The following ASCC3 variants were observed in gnomAD, a reference collection of about 807,000 sequenced individuals.
ASCC3 encodes ASC-1 complex subunit P200.
In ASCC3, 158 loss-of-function variants were observed where a neutral mutation model predicts 256.3. That is an observed-to-expected ratio of 0.62 (90% CI 0.54 to 0.70). The LOEUF is 0.70. ASCC3 is among the 30% of genes least tolerant of loss of function. ASCC3 has a pLI of 0.00. For synonymous variants in ASCC3, 948 were observed against 883.4 expected (o/e 1.07, Z -1.30); for missense variants, 2,259 against 2,626.0 (o/e 0.86, Z 3.05).
intron 10 of ASCC3, among the ~76,000 whole-genome samples, chr6:100,729,774 A>C (rs1309562476): frequency 6.6e-6 from 1 of 152,234 alleles, no homozygotes; most frequent in Admixed American, 6.5e-5. Flanking sequence ...CAAATTTTAA[A>C]GATAAAAGTA....
rs138394095 is a variant in ASCC3, at chr6:100,692,851, A to T, written c.2152-13099T>A. 4.9e-4 allele frequency among the ~76,000 whole-genome samples: 74 copies of T among 152,182 alleles called. No individual in the cohort carries two copies. The East Asian group carries it at 0.013, about 27-fold the overall frequency. Reference sequence around the variant, plus strand: ...GGAGAACTTGATGATGCTTTAGAAGATTTAATGACAAGATCAACATAATGA... The same window carrying T: ...GGAGAACTTGATGATGCTTTAGAAGTTTTAATGACAAGATCAACATAATGA... On this transcript the variant is annotated intron_variant, in intron 13 of 41. Coordinates refer to ENST00000369162, the MANE Select transcript of ASCC3 (RefSeq NM_006828.4).
intron 13 of ASCC3, among the ~76,000 whole-genome samples, chr6:100,694,060 T>G (rs1369392615): frequency 6.6e-6 from 1 of 152,160 alleles, no homozygotes; most frequent in Non-Finnish European, 1.5e-5. Flanking sequence ...GGAAAGGGAC[T>G]GTGGAAAATT....
intron 3 of ASCC3, among the ~76,000 whole-genome samples, chr6:100,859,817 CT>C (rs1773137291): frequency 6.6e-6 from 1 of 151,956 alleles, no homozygotes; most frequent in African/African-American, 2.4e-5. Context: ...ACAAACAGGT[CT>C]TTTTATGACA....
At chr6:100,705,466 G>A (rs1432011256) in intron 13 of ASCC3, among the ~76,000 whole-genome samples, 1 of 152,000 alleles carries the variant, frequency 6.6e-6, no homozygotes, top group African/African-American at 2.4e-5. Context: ...TTAGTTGCCT[G>A]AGAGTCATAG....
intron 8 of ASCC3, among the ~76,000 whole-genome samples, chr6:100,790,495 TA>T (rs1399902807): frequency 6.6e-6 from 1 of 152,096 alleles, no homozygotes; most frequent in South Asian, 2.1e-4. Flanking sequence ...GAAGAAAATC[TA>T]TAAATAGCAA....
chr6:100,542,966 ATTGT>A (rs1002365783), intron 36 of ASCC3, among the ~76,000 whole-genome samples: 2 of 152,172 alleles, frequency 1.3e-5, no homozygotes, highest in African/African-American at 2.4e-5. Context: ...ATACAAAATG[ATTGT>A]TTAAACAAAA....
intron 3 of ASCC3, among the ~76,000 whole-genome samples, chr6:100,863,408 A>T (rs1286894252): frequency 1.3e-5 from 2 of 152,232 alleles, no homozygotes; most frequent in Non-Finnish European, 2.9e-5. Context: ...CATCTATAAT[A>T]AGCGACTGAG....
intron 36 of ASCC3, among the ~76,000 whole-genome samples, chr6:100,576,476 A>G (rs1770867250): frequency 6.6e-6 from 1 of 152,024 alleles, no homozygotes; most frequent in Admixed American, 6.6e-5. Context: ...TAATAGGATA[A>G]AGATAGAATA....
chr6:100,840,046 T>C (rs1374947328), intron 4 of ASCC3, among the ~76,000 whole-genome samples: 1 of 152,194 alleles, frequency 6.6e-6, no homozygotes, highest in Non-Finnish European at 1.5e-5. Flanking sequence ...GTTTTCCTCA[T>C]GAAAATTTTA....
At chr6:100,642,501 C>T (rs239245) in intron 24 of ASCC3, 80 bp downstream of exon 24, 6 of 1,398,052 alleles carry the variant, frequency 4.3e-6, no homozygotes, top group African/African-American at 1.4e-5. Context: ...AACTTTATTA[C>T]GGTGTAGACA....
intron 37 of ASCC3, among the ~76,000 whole-genome samples, chr6:100,533,668 T>C (rs1371230466): frequency 6.6e-6 from 1 of 152,200 alleles, no homozygotes; most frequent in African/African-American, 2.4e-5. Context: ...GTTTCTCTTT[T>C]TGCATAACAC....
chr6:100,621,674 G>A (rs1274425168), intron 30 of ASCC3, among the ~76,000 whole-genome samples: 5 of 152,158 alleles, frequency 3.3e-5, no homozygotes, highest in Admixed American at 1.3e-4. Context: ...GTGGAAGACC[G>A]TGTGGCAATT....
intron 19 of ASCC3, among the ~76,000 whole-genome samples, chr6:100,651,288 T>C (rs1775657906): frequency 6.6e-6 from 1 of 151,894 alleles, no homozygotes; most frequent in South Asian, 2.1e-4. Flanking sequence ...TATATTGCAA[T>C]AAACCAAAAT....
chr6:100,849,069 G>A (rs958151547), intron 3 of ASCC3, among the ~76,000 whole-genome samples: 5 of 152,072 alleles, frequency 3.3e-5, no homozygotes, highest in African/African-American at 1.2e-4. Context: ...TTGTGTCACT[G>A]TACTCAGCCT....
intron 10 of ASCC3, among the ~76,000 whole-genome samples, chr6:100,751,275 AAAATT>A (rs1353781245): frequency 3.9e-5 from 6 of 152,116 alleles, no homozygotes; most frequent in Non-Finnish European, 7.4e-5. Context: ...CTAGTTATAG[AAAATT>A]AAATTAAATT....
At chr6:100,870,217 A>AT (rs34204223) in intron 1 of ASCC3, among the ~76,000 whole-genome samples, 106,498 of 150,750 alleles carry the variant, frequency 0.71, 37,708 homozygotes, top group East Asian at 0.75. Context: ...TTAAAAATGC[A>AT]TTTTTAATGC....
intron 8 of ASCC3, among the ~76,000 whole-genome samples, chr6:100,790,529 G>A (rs769267918): frequency 6.6e-6 from 1 of 151,972 alleles, no homozygotes; most frequent in Non-Finnish European, 1.5e-5. Flanking sequence ...AAATATTTCT[G>A]TGTGTTGTTG....
chr6:100,780,959 A>C lies in ASCC3; in HGVS notation c.1396-13614T>G, dbSNP rs1385944920. ...AAATGAAATCACTTGTATTCCCTAA[A>C]GTGCTAAACAAGAAATATAAGAAGT... On this transcript the variant is annotated intron_variant, in intron 8 of 41. Transcript: ENST00000369162. Among the ~76,000 whole-genome samples the C allele has an allele frequency of 2.0e-5, 3 of 152,340 alleles. No homozygotes were observed. In the East Asian group the frequency reaches 5.8e-4, roughly 29 times the overall value.
chr6:100,615,055 G>A (rs1158215088), intron 30 of ASCC3, among the ~76,000 whole-genome samples: 3 of 150,048 alleles, frequency 2.0e-5, no homozygotes, highest in African/African-American at 7.4e-5. Flanking sequence ...TCGCTCTGTC[G>A]ACCAGGTTGG....
Sources: allele counts gnomAD v4.1 joint callset (sites outside exome capture counted in the v4.1 genomes callset), GRCh38; gene constraint gnomAD v4.1.1; transcripts MANE v1.5; gene names NCBI Gene and HGNC (gene_info 2026-07-23, HGNC 2026-07-21).